Variants in DUOX1 observed in about 807,000 individuals in gnomAD.
DUOX1 encodes the protein NADPH thyroid oxidase 1.
In DUOX1, 134 loss-of-function variants were observed where a neutral mutation model predicts 181.8. That is an observed-to-expected ratio of 0.74 (90% CI 0.64 to 0.85). The LOEUF is 0.85. Among genes scored for constraint, DUOX1 ranks in the 40% least tolerant of loss-of-function variants. DUOX1 has a pLI of 0.00. For missense variants in DUOX1, 1,814 were observed against 2,064.4 expected, an observed-to-expected ratio of 0.88 and a Z score of 2.35; for synonymous variants, 798 against 832.5, an observed-to-expected ratio of 0.96 and a Z score of 0.71.
rs200267355 is a variant in DUOX1, at chr15:45,141,307, G to A, written c.1581G>A (p.Lys527=). 8.1e-6 allele frequency: 13 copies of A among 1,614,212 alleles called. No individual in the cohort carries two copies. The highest frequency in any genetic ancestry group is 1.1e-5 in the Non-Finnish European group (13 of 1,180,032). The change falls in exon 14 of 34, where the codon AAG becomes AAA. Residue 527 remains lysine (K), a synonymous_variant. Transcript: ENST00000389037. ...ENTRNGLFSK[K]EIEEIRNTTL... ...TCCAACTTAGGCTGTTCTCCAAGAA[G>A]GAGATTGAAGAAATCCGAAATACCA...
chr15:45,143,907 C>T, intron 16 of DUOX1, 129 bp from the exon 17 acceptor site: 1 of 840,328 alleles, frequency 1.2e-6, no homozygotes, highest in Non-Finnish European at 1.9e-6. Context: ...GGGAATGACT[C>T]TCAGTACCCC....
intron 27 of DUOX1, among the ~76,000 whole-genome samples, chr15:45,154,336 A>C (rs1332104101): frequency 2.0e-5 from 3 of 152,126 alleles, no homozygotes; most frequent in African/African-American, 7.2e-5. Flanking sequence ...ACATACCCTA[A>C]CAGTAGCTTT....
intron 2 of DUOX1, among the ~76,000 whole-genome samples, chr15:45,133,609 C>A (rs967467168): frequency 6.6e-6 from 1 of 152,194 alleles, no homozygotes; most frequent in Admixed American, 6.5e-5. Context: ...CGTCTGTCAG[C>A]ACACTCTGCT....
chr15:45,140,846 G>C, intron 12 of DUOX1, 49 bp from the exon 13 acceptor site: 1 of 1,593,058 alleles, frequency 6.3e-7, no homozygotes, highest in Non-Finnish European at 8.6e-7. Flanking sequence ...CTTTGCCTTA[G>C]GGTGGGTGCC....
Position 45,153,407 on chromosome 15 carries a change from ATG to A in DUOX1, c.3456_3457del (p.Tyr1153ProfsTer20). 1.2e-6 allele frequency: 2 copies of A among 1,613,094 alleles called. No individual in the cohort carries two copies. Among genetic ancestry groups the A allele is most frequent in the Non-Finnish European group, 1.7e-6 (2 of 1,179,780 alleles). On this transcript the variant is annotated frameshift_variant, in exon 26 of 34. Coordinates refer to ENST00000389037, the MANE Select transcript of DUOX1 (RefSeq NM_175940.3). LOFTEE classifies it high-confidence loss of function. ...TTACACAGTGTGGGCCATGTGGTGA[ATG>A]TGTACCTGTTCTCCATCAGCCCCCT...
chr15:45,155,926 C>G lies in DUOX1; in HGVS notation c.3699C>G (p.Val1233=). The part of the protein sequence containing the change: ...LTHHLYILLY[V]LLIIHGSFAL... Reference sequence around the variant, plus strand: ...ACCACCTCTACATCCTGCTCTATGTCCTGGTGAGGGCTTTTGGCTGTGAGC... The same window carrying G: ...ACCACCTCTACATCCTGCTCTATGTGCTGGTGAGGGCTTTTGGCTGTGAGC... Residue 1233 remains valine, a synonymous_variant, in exon 28 of 34, where the codon GTC becomes GTG. Transcript: ENST00000389037. 1 of 1,614,144 alleles carries G rather than the reference C, an allele frequency of 6.2e-7. No individual in the cohort carries two copies. Among genetic ancestry groups the G allele is most frequent in the Non-Finnish European group, 8.5e-7 (1 of 1,180,028 alleles).
intron 32 of DUOX1, 22 bp downstream of exon 32, chr15:45,163,709 G>A (rs1419995050): frequency 5.6e-6 from 9 of 1,614,016 alleles, no homozygotes; most frequent in Non-Finnish European, 6.8e-6. Flanking sequence ...CCCACCAGGA[G>A]GGTATGCGGG....
intron 29 of DUOX1, among the ~76,000 whole-genome samples, chr15:45,161,452 G>GGGAA (rs1255833125): frequency 1.5e-5 from 2 of 133,810 alleles, no homozygotes; most frequent in Non-Finnish European, 3.5e-5. Context: ...GAAGGAGGGA[G>GGGAA]GGAGGGAGGG....
At chr15:45,139,251 G>C (rs1206319423) in intron 11 of DUOX1, 83 bp downstream of exon 11, 3 of 1,607,226 alleles carry the variant, frequency 1.9e-6, no homozygotes, top group Admixed American at 1.7e-5. Flanking sequence ...CCAGGTATGA[G>C]GGGGTGCCTG....
In DUOX1 at chr15:45,145,057, T is replaced by C. The variant is rs1896614447; in HGVS notation, c.2299T>C (p.Phe767Leu). Residue 767 changes from phenylalanine to leucine, a missense_variant, in exon 18 of 34, where the codon TTT becomes CTT. Around this residue, in one of 5 missense-constraint regions of DUOX1, gnomAD observed 1,064 missense variants for 1,152.9 expected, o/e 0.92. Coordinates refer to ENST00000389037, the MANE Select transcript of DUOX1 (RefSeq NM_175940.3). Reference sequence around the variant, plus strand: ...GCAGCGGAGGCACCTCCTGGAGACCTTTTTCAGGCACCTTTTCTCCCAGGT... The same window carrying C: ...GCAGCGGAGGCACCTCCTGGAGACCCTTTTCAGGCACCTTTTCTCCCAGGT... ...REQRRHLLET[F>L]FRHLFSQVLD... 2 of 1,602,644 alleles carry C rather than the reference T, an allele frequency of 1.2e-6. No individual in the cohort carries two copies. The highest frequency in any genetic ancestry group is 1.7e-6 in the Non-Finnish European group (2 of 1,174,986).
At chr15:45,151,067 A>G (rs1038636118) in intron 22 of DUOX1, 56 bp from the exon 23 acceptor site, 2 of 1,603,854 alleles carry the variant, frequency 1.2e-6, no homozygotes, top group African/African-American at 2.7e-5. Flanking sequence ...CCAGGATAGC[A>G]GAGGAACGAG....
intron 4 of DUOX1, 21 bp downstream of exon 4, chr15:45,134,330 G>C (rs1449138630): frequency 2.5e-6 from 4 of 1,575,478 alleles, no homozygotes; most frequent in African/African-American, 2.8e-5. Context: ...CAACCTCTGG[G>C]GAAGGAAGCC....
At chr15:45,142,793 G>GGAAGGAAGGAAGGAAGGA (rs1567012344) in intron 15 of DUOX1, among the ~76,000 whole-genome samples, 1 of 143,840 alleles carries the variant, frequency 7.0e-6, no homozygotes, top group African/African-American at 2.6e-5. Flanking sequence ...GGAAGGGAGG[G>GGAAGGAAGGAAGGAAGGA]AGGAAGGGAG....
chr15:45,139,990 C>A (rs552091160), intron 12 of DUOX1: 9 of 1,009,916 alleles, frequency 8.9e-6, no homozygotes, highest in Non-Finnish European at 1.3e-5. Flanking sequence ...CCTGAGCTAC[C>A]ACCTGGACTG....
At position 45,138,982 on chromosome 15, in the gene DUOX1, G is replaced by GGAT. The variant is rs1324191780; in HGVS notation, c.1114-79_1114-77dup. 4 of 1,256,028 alleles carry GGAT rather than the reference G, an allele frequency of 3.2e-6. No homozygotes were observed. In the African/African-American group the frequency reaches 5.9e-5, roughly 19 times the overall value. The allele number at this position is 1,256,028 out of a possible 1,614,324, so 77.8% of individuals were successfully genotyped here. A position where few individuals can be genotyped will look rare whatever the true frequency, so the allele number is the denominator to read the frequency against. ...CAGGACTGGGTGGGCTCAGGGATAAGGATGATGGTGTGGAGGGAGCCGGCT... is the reference window on the plus strand; with the variant it reads ...CAGGACTGGGTGGGCTCAGGGATAAGGATGATGATGGTGTGGAGGGAGCCGGCT... On this transcript the variant is annotated intron_variant, in intron 10 of 33. Transcript: ENST00000389037.
chr15:45,158,974 A>C (rs1897032411), intron 28 of DUOX1, among the ~76,000 whole-genome samples: 1 of 152,204 alleles, frequency 6.6e-6, no homozygotes, highest in Admixed American at 6.5e-5. Flanking sequence ...TGGCTAGGGA[A>C]GACTTTGAGG....
rs759194278 is a variant in DUOX1 at position 45,165,065 on chromosome 15, C to T, written c.*164C>T. 8 of 698,166 alleles carry T rather than the reference C, an allele frequency of 1.1e-5. No individual in the cohort carries two copies. Among genetic ancestry groups the T allele is most frequent in the Admixed American group, 2.8e-5 (1 of 35,952 alleles). The allele number at this position is 698,166 out of a possible 1,614,324, so 43.2% of individuals were successfully genotyped here. On this transcript the variant is annotated 3_prime_UTR_variant, in exon 34 of 34. Transcript: ENST00000389037. ...CAGTCACCATGTGTGGGCTCAGGGACCCCCAGGACCAGGATGTGTCTCAGC... is the reference window on the plus strand; with the variant it reads ...CAGTCACCATGTGTGGGCTCAGGGATCCCCAGGACCAGGATGTGTCTCAGC...
intron 18 of DUOX1, among the ~76,000 whole-genome samples, chr15:45,146,345 T>C (rs1403019319): frequency 6.6e-6 from 1 of 152,160 alleles, no homozygotes; most frequent in East Asian, 1.9e-4. Context: ...TGAACTTGAA[T>C]ATGTACAAGA....
intron 21 of DUOX1, among the ~76,000 whole-genome samples, chr15:45,150,030 C>T (rs964868577): frequency 2.0e-5 from 3 of 152,224 alleles, no homozygotes; most frequent in Admixed American, 2.0e-4. Context: ...GGGTCATCTT[C>T]AGGCTTGGTT....
Sources: allele counts gnomAD v4.1 joint callset (sites outside exome capture counted in the v4.1 genomes callset), GRCh38; gene constraint gnomAD v4.1.1; regional missense constraint gnomAD v4.1.1; transcripts MANE v1.5; gene names NCBI Gene and HGNC (gene_info 2026-07-23, HGNC 2026-07-21).